TTC12: variants seen among roughly 807,000 people sequenced by gnomAD.
The protein encoded by TTC12 is tetratricopeptide repeat protein 12.
In TTC12, 70 loss-of-function variants were observed where a neutral mutation model predicts 90.1. That is an observed-to-expected ratio of 0.78 (90% CI 0.64 to 0.95). The LOEUF (loss-of-function observed/expected upper bound fraction) is 0.95. Ranked by LOEUF, TTC12 falls within the 40% of genes least tolerant of loss-of-function variation. TTC12 has a pLI of 0.00. For missense variants in TTC12, 819 were observed against 846.1 expected, an observed-to-expected ratio of 0.97 and a Z score of 0.40; for synonymous variants, 296 against 311.5, an observed-to-expected ratio of 0.95 and a Z score of 0.53.
intron 2 of TTC12, among the ~76,000 whole-genome samples, chr11:113,322,521 G>A (rs1474086752): frequency 3.9e-5 from 6 of 152,116 alleles, no homozygotes; most frequent in Non-Finnish European, 8.8e-5. Context: ...GATAAATAAG[G>A]GCATCTTTTT....
chr11:113,343,899 C>T (rs1948809002), intron 12 of TTC12, among the ~76,000 whole-genome samples: 2 of 152,162 alleles, frequency 1.3e-5, no homozygotes, highest in South Asian at 4.1e-4. Flanking sequence ...ATTTATTTCC[C>T]TTTGCTAGTG....
intron 7 of TTC12, among the ~76,000 whole-genome samples, chr11:113,332,019 G>A (rs1439961055): frequency 6.6e-6 from 1 of 152,206 alleles, no homozygotes; most frequent in East Asian, 1.9e-4. Context: ...ATTACTAATA[G>A]TATTAGTACT....
rs376290021 is a variant in TTC12 at position 113,325,596 on chromosome 11, G to A, written c.395G>A (p.Gly132Asp). Residue 132 changes from glycine to aspartate, a missense_variant, in exon 6 of 22, where the codon GGT (glycine) becomes GAT (aspartate). By Grantham distance (94) the Gly-to-Asp change is moderately conservative (BLOSUM62 -1). Coordinates refer to ENST00000529221, the MANE Select transcript of TTC12 (RefSeq NM_017868.4). ...ACAGCTATCCTGCGCTACAGTGAGGGTTTGGAGAAGCTGAAGGACATGAAA... is the reference window on the plus strand; with the variant it reads ...ACAGCTATCCTGCGCTACAGTGAGGATTTGGAGAAGCTGAAGGACATGAAA... ...YETAILRYSE[G>D]LEKLKDMKVL... 2 of 1,613,888 alleles carry A rather than the reference G, an allele frequency of 1.2e-6. No individual in the cohort carries two copies. Among genetic ancestry groups the A allele is most frequent in the African/African-American group, 1.3e-5 (1 of 74,916 alleles).
chr11:113,366,523 A>G, downstream of TTC12: 1 of 695,046 alleles, frequency 1.4e-6, no homozygotes. Context: ...CCCTCCTTTG[A>G]ATGTTCTTTC....
intron 2 of TTC12, among the ~76,000 whole-genome samples, chr11:113,322,112 A>T (rs1213034296): frequency 3.3e-5 from 5 of 152,354 alleles, no homozygotes; most frequent in Non-Finnish European, 7.4e-5. Flanking sequence ...AAAATATTAT[A>T]TTACTTTCGG....
At chr11:113,368,455 T>C, downstream of TTC12, 2 of 1,550,562 alleles carry the variant, frequency 1.3e-6, no homozygotes, top group Non-Finnish European at 8.7e-7. Context: ...GAGACACGGC[T>C]TGTTCCAGGT....
At chr11:113,325,294 C>T (rs1947615300) in intron 5 of TTC12, among the ~76,000 whole-genome samples, 1 of 152,036 alleles carries the variant, frequency 6.6e-6, no homozygotes, top group Non-Finnish European at 1.5e-5. Flanking sequence ...AATGCAGAAA[C>T]ATTTACTTTT....
chr11:113,325,232 C>G (rs1565575937), intron 5 of TTC12, among the ~76,000 whole-genome samples: 2 of 152,114 alleles, frequency 1.3e-5, no homozygotes, highest in South Asian at 2.1e-4. Flanking sequence ...TTATGAGACA[C>G]CGAATGCACA....
chr11:113,350,770 A>T (rs1555149897), intron 14 of TTC12, among the ~76,000 whole-genome samples: 1 of 152,212 alleles, frequency 6.6e-6, no homozygotes, highest in Non-Finnish European at 1.5e-5. Flanking sequence ...TGATAATAGG[A>T]TGAGAGAGCT....
At chr11:113,346,183 G>T (rs1322237166) in intron 13 of TTC12, among the ~76,000 whole-genome samples, 3 of 152,100 alleles carry the variant, frequency 2.0e-5, no homozygotes, top group Non-Finnish European at 4.4e-5. Context: ...GTGTCATTTT[G>T]TAAAAAGTGC....
intron 2 of TTC12, among the ~76,000 whole-genome samples, chr11:113,321,062 A>G (rs1947296273): frequency 1.3e-5 from 2 of 152,184 alleles, no homozygotes; most frequent in Admixed American, 6.5e-5. Context: ...AATAAGAAAG[A>G]GACAATGACC....
chr11:113,369,432 G>T (rs769311451), downstream of TTC12, among the ~76,000 whole-genome samples: 11 of 6,982 alleles, frequency 1.6e-3, no homozygotes, highest in Admixed American at 8.9e-3. Context: ...CCCACCCCCC[G>T]TGCATTGTGC....
intron 13 of TTC12, among the ~76,000 whole-genome samples, chr11:113,347,886 G>A (rs1383315608): frequency 1.3e-5 from 2 of 152,126 alleles, no homozygotes; most frequent in Admixed American, 6.5e-5. Flanking sequence ...TCTGCCCTGT[G>A]GCATTTGGTC....
At chr11:113,357,599 A>C (rs995406065) in intron 16 of TTC12, among the ~76,000 whole-genome samples, 24 of 152,072 alleles carry the variant, frequency 1.6e-4, no homozygotes, top group African/African-American at 5.8e-4. Context: ...CCTTTGGATA[A>C]ATTTTTTTTC....
chr11:113,318,228 TGAGA>T (rs1195109135), intron 2 of TTC12, among the ~76,000 whole-genome samples: 1 of 151,876 alleles, frequency 6.6e-6, no homozygotes, highest in East Asian at 1.9e-4. Context: ...GTATGCAATA[TGAGA>T]CACAGAGAAT....
intron 6 of TTC12, among the ~76,000 whole-genome samples, chr11:113,328,858 C>T (rs1414371093): frequency 6.6e-6 from 1 of 152,186 alleles, no homozygotes; most frequent in African/African-American, 2.4e-5. Flanking sequence ...CTGTTCTGGA[C>T]ATTTTATATA....
At chr11:113,330,445 A>G (rs1261761866) in intron 7 of TTC12, among the ~76,000 whole-genome samples, 2 of 152,232 alleles carry the variant, frequency 1.3e-5, no homozygotes, top group Non-Finnish European at 2.9e-5. Context: ...AACTTTAGTC[A>G]GGCCTTGAGC....
At chr11:113,324,122 C>T (rs1555139957) in intron 4 of TTC12, 107 bp downstream of exon 4, 4 of 877,844 alleles carry the variant, frequency 4.6e-6, no homozygotes, top group South Asian at 1.5e-5. Flanking sequence ...TTACAAACAA[C>T]CTGTGAACAA....
At chr11:113,351,081 A>C (rs1303192958) in intron 14 of TTC12, among the ~76,000 whole-genome samples, 158 bp from the exon 15 acceptor site, 2 of 152,232 alleles carry the variant, frequency 1.3e-5, no homozygotes, top group Non-Finnish European at 2.9e-5. Context: ...CATTACATAC[A>C]CAGTGACATG....
Sources: allele counts gnomAD v4.1 joint callset (sites outside exome capture counted in the v4.1 genomes callset), GRCh38; gene constraint gnomAD v4.1.1; transcripts MANE v1.5; gene names NCBI Gene and HGNC (gene_info 2026-07-23, HGNC 2026-07-21).